The following DOCK7 variants were observed in gnomAD, a reference collection of about 807,000 sequenced individuals.
The protein encoded by DOCK7 is dedicator of cytokinesis 7, also known as dedicator of cytokinesis protein 7.
In DOCK7, 138 loss-of-function variants were observed where a neutral mutation model predicts 271.0. That is an observed-to-expected ratio of 0.51 (90% CI 0.44 to 0.59). The LOEUF (loss-of-function observed/expected upper bound fraction) is 0.59, where lower values mean the gene tolerates loss of function less well. Among genes scored for constraint, DOCK7 ranks in the 20% least tolerant of loss-of-function variants. DOCK7 has a pLI of 0.00. For missense variants in DOCK7, 2,066 were observed against 2,592.4 expected, an observed-to-expected ratio of 0.80 and a Z score of 4.41; for synonymous variants, 823 against 876.1, an observed-to-expected ratio of 0.94 and a Z score of 1.07.
chr1:62,461,747 T>C (rs1344017201), intron 48 of DOCK7, among the ~76,000 whole-genome samples: 1 of 151,150 alleles, frequency 6.6e-6, no homozygotes, highest in Non-Finnish European at 1.5e-5. Flanking sequence ...TGATTTTTGG[T>C]AGAGCAGGAA....
intron 44 of DOCK7, chr1:62,477,009 G>C: frequency 6.6e-6 from 1 of 152,142 alleles, no homozygotes; most frequent in East Asian, 1.9e-4. Context: ...CAAATCACCT[G>C]GGGATCTTGT....
chr1:62,537,473 C>T (rs1286356974), intron 28 of DOCK7, among the ~76,000 whole-genome samples: 1 of 151,782 alleles, frequency 6.6e-6, no homozygotes, highest in African/African-American at 2.4e-5. Context: ...GTAGTCCCAG[C>T]TACTCAGGAG....
chr1:62,675,379 G>GT (rs1025447246), intron 1 of DOCK7, among the ~76,000 whole-genome samples: 26 of 152,286 alleles, frequency 1.7e-4, no homozygotes, highest in African/African-American at 6.0e-4. Context: ...TACAGCCTGG[G>GT]TAACAGAGCA....
intron 1 of DOCK7, among the ~76,000 whole-genome samples, chr1:62,667,267 C>CA (rs899295483): frequency 4.6e-5 from 7 of 151,182 alleles, no homozygotes; most frequent in East Asian, 1.9e-4. Flanking sequence ...TATAAAGTCA[C>CA]AAAAAAAATA....
At chr1:62,601,145 A>G (rs1650057251) in intron 14 of DOCK7, 1 of 1,611,142 alleles carries the variant, frequency 6.2e-7, no homozygotes, top group African/African-American at 1.3e-5. Context: ...AAGAGCACCA[A>G]GAACTACTCC....
chr1:62,540,044 CAAT>C (rs1645476840), intron 25 of DOCK7, 152 bp from the exon 26 acceptor site: 1 of 518,694 alleles, frequency 1.9e-6, no homozygotes, highest in Non-Finnish European at 3.1e-6. Context: ...AAGTTCCCTA[CAAT>C]GTTTTGTATT....
At chr1:62,558,026 T>C (rs1385147948) in intron 20 of DOCK7, among the ~76,000 whole-genome samples, 2 of 152,114 alleles carry the variant, frequency 1.3e-5, no homozygotes, top group Admixed American at 1.3e-4. Flanking sequence ...ACTTCTCTAA[T>C]TAAGACCAGA....
At chr1:62,676,546 GT>G (rs892208929) in intron 1 of DOCK7, among the ~76,000 whole-genome samples, 7 of 151,310 alleles carry the variant, frequency 4.6e-5, no homozygotes, top group Non-Finnish European at 1.0e-4. Context: ...ATAAAGCTGG[GT>G]TTTTTTTTCT....
intron 14 of DOCK7, among the ~76,000 whole-genome samples, chr1:62,618,235 A>G (rs886291834): frequency 3.9e-5 from 6 of 152,128 alleles, no homozygotes; most frequent in African/African-American, 1.4e-4. Flanking sequence ...TACTCAACAA[A>G]TATTGTTGAT....
chr1:62,570,596 A>G (rs1306905246), intron 18 of DOCK7, among the ~76,000 whole-genome samples: 2 of 152,202 alleles, frequency 1.3e-5, no homozygotes, highest in African/African-American at 2.4e-5. Flanking sequence ...CCATACAGCC[A>G]AGACAATTCT....
At chr1:62,460,604 A>AACACACACACACACAC (rs57641890) in intron 48 of DOCK7, among the ~76,000 whole-genome samples, 30 of 148,906 alleles carry the variant, frequency 2.0e-4, no homozygotes, top group African/African-American at 6.0e-4. Flanking sequence ...CAATGTATTG[A>AACACACACACACACAC]ACACACACAC....
At chr1:62,580,136 C>T (rs1407758242) in intron 16 of DOCK7, among the ~76,000 whole-genome samples, 1 of 152,104 alleles carries the variant, frequency 6.6e-6, no homozygotes, top group African/African-American at 2.4e-5. Context: ...GAGGTCTGTC[C>T]CACCAATCAG....
In DOCK7 at chr1:62,513,444, CAGG is replaced by C. The variant is rs763802688; in HGVS notation, c.4279_4281del (p.Pro1427del). On this transcript the variant is annotated inframe_deletion and splice_region_variant, in exon 33 of 50. Coordinates refer to ENST00000635253, the MANE Select transcript of DOCK7 (RefSeq NM_001367561.1). ...TCAAGGAAATTGAAGAAATTCTCAC[CAGG>C]AGGAGAAGCTATTGTGTACGTACCG... 3 of 1,585,812 alleles carry C rather than the reference CAGG, an allele frequency of 1.9e-6. No homozygotes were observed. The highest frequency in any genetic ancestry group is 1.9e-5 in the Admixed American group (1 of 51,712).
chr1:62,677,312 A>G (rs1373671751), intron 1 of DOCK7, among the ~76,000 whole-genome samples: 4 of 152,202 alleles, frequency 2.6e-5, no homozygotes, highest in Admixed American at 6.5e-5. Flanking sequence ...AAGGAAGGAC[A>G]TGTGACCCAG....
intron 3 of DOCK7, 78 bp downstream of exon 3, chr1:62,653,906 G>A (rs1557864299): frequency 6.5e-7 from 1 of 1,531,170 alleles, no homozygotes; most frequent in Non-Finnish European, 8.9e-7. Context: ...GCTATAAGAA[G>A]TAGGCTCTAA....
chr1:62,531,859 C>A (rs779969455), intron 29 of DOCK7, among the ~76,000 whole-genome samples: 3 of 152,152 alleles, frequency 2.0e-5, no homozygotes, highest in Non-Finnish European at 4.4e-5. Flanking sequence ...CCACTTTGTG[C>A]CAGACATAAT....
At position 62,558,969 on chromosome 1, in the gene DOCK7, C is replaced by T; in HGVS notation, c.2431+20G>A. 6.3e-7 allele frequency: 1 copy of T among 1,579,728 alleles called. No homozygotes were observed. Among genetic ancestry groups the T allele is most frequent in the Non-Finnish European group, 8.7e-7 (1 of 1,154,666 alleles). ...CAAGTTATAAATTTCACGTCTCATC[C>T]CCAAACAAAAGTAAATTACCTATTT... is the stretch of plus-strand genomic sequence containing the variant. On this transcript the variant is annotated intron_variant, in intron 20 of 49. Transcript: ENST00000635253.
chr1:62,476,709 G>A (rs1645978838), intron 44 of DOCK7, among the ~76,000 whole-genome samples: 2 of 152,168 alleles, frequency 1.3e-5, no homozygotes, highest in South Asian at 2.1e-4. Flanking sequence ...ATATGACACT[G>A]AGTAGCAGCA....
At chr1:62,476,780 A>C (rs1022376027) in intron 44 of DOCK7, among the ~76,000 whole-genome samples, 4 of 152,220 alleles carry the variant, frequency 2.6e-5, no homozygotes, top group Non-Finnish European at 5.9e-5. Flanking sequence ...TCAAAGGAGA[A>C]ACCCCCACTG....
Sources: allele counts gnomAD v4.1 joint callset (sites outside exome capture counted in the v4.1 genomes callset), GRCh38; gene constraint gnomAD v4.1.1; transcripts MANE v1.5; gene names NCBI Gene and HGNC (gene_info 2026-07-23, HGNC 2026-07-21).